The following ARRDC2 variants were observed in gnomAD, a reference collection of about 807,000 sequenced individuals.
ARRDC2 encodes arrestin domain-containing protein 2.
ARRDC2 carries 39 observed loss-of-function variants against 38.9 expected under a neutral mutation model. The ratio of observed to expected loss-of-function variants is 1.00; its 90% CI spans 0.78 to 1.31. The LOEUF (loss-of-function observed/expected upper bound fraction) is 1.31, where lower values mean the gene tolerates loss of function less well. Ranked by LOEUF, ARRDC2 falls within the 50% of genes most tolerant of loss-of-function variation. The pLI is 0.00. For synonymous variants in ARRDC2, 300 were observed against 261.9 expected (o/e 1.15, Z -1.41); for missense variants, 553 against 588.4 (o/e 0.94, Z 0.62).
Position 18,009,852 on chromosome 19 carries a change from T to G in ARRDC2, c.662T>G (p.Val221Gly). Residue 221 changes from valine to glycine, a missense_variant, in exon 5 of 8, where the codon GTG becomes GGG. Physicochemically the swap from Val to Gly is moderately radical, Grantham distance 109. Transcript: ENST00000222250. ...CGTCCTGTGCTGCCTCGGGCAGCCG[T>G]GGTGCAGACACAGACGTTCATGGCC... is the stretch of plus-strand genomic sequence containing the variant. ...STRPVLPRAA[V>G]VQTQTFMARG... The G allele has an allele frequency of 6.2e-7, 1 of 1,612,242 alleles. No individual in the cohort carries two copies. The highest frequency in any genetic ancestry group is 1.3e-5 in the African/African-American group (1 of 75,044).
rs771759737 is a variant in ARRDC2, at chr19:18,009,940, C to G, written c.750C>G (p.Pro250=). Residue 250 remains proline, a synonymous_variant, in exon 5 of 8, where the codon CCC becomes CCG. Transcript: ENST00000222250. The stretch of plus-strand genomic sequence containing the variant: ...GCCTCGCGGGCGAGCCGGTGGGCCC[C>G]GGGCAGCGGGCGCTGTGGCAGGGCC... ...VASLAGEPVG[P]GQRALWQGRA... is the part of the protein sequence containing the mutation. 1.2e-6 allele frequency: 2 copies of G among 1,605,284 alleles called. No homozygotes were observed. Among genetic ancestry groups the G allele is most frequent in the Non-Finnish European group, 8.5e-7 (1 of 1,179,042 alleles).
chr19:18,012,258 CA>C (rs1441565327), intron 7 of ARRDC2, among the ~76,000 whole-genome samples: 3 of 151,468 alleles, frequency 2.0e-5, no homozygotes, highest in Non-Finnish European at 2.9e-5. Context: ...CACACCTGGC[CA>C]TAAAGTATTA....
chr19:18,011,961 T>A (rs868072150), intron 7 of ARRDC2, among the ~76,000 whole-genome samples: 398 of 136,660 alleles, frequency 2.9e-3, no homozygotes, highest in African/African-American at 8.0e-3. Flanking sequence ...TATTTTTTTT[T>A]TTTTTTTTTT....
intron 7 of ARRDC2, among the ~76,000 whole-genome samples, chr19:18,011,178 AG>A (rs1263510853): frequency 1.3e-5 from 2 of 152,094 alleles, no homozygotes; most frequent in Non-Finnish European, 2.9e-5. Context: ...TTGTATTTTT[AG>A]TAGAGACGGG....
chr19:18,007,791 C>G (rs1322171332), upstream of ARRDC2: 1 of 195,250 alleles, frequency 5.1e-6, no homozygotes, highest in African/African-American at 2.4e-5. Context: ...GAGAGTCCCC[C>G]GCCCCAAATC....
At chr19:18,001,628 C>T (rs749370570) in intron 1 of ARRDC2, 205 of 1,287,706 alleles carry the variant, frequency 1.6e-4, no homozygotes, top group Non-Finnish European at 2.0e-4. Context: ...CGGCCGCGAC[C>T]CTCTTCAGGG....
upstream of ARRDC2, among the ~76,000 whole-genome samples, chr19:18,005,025 T>C (rs2033244951): frequency 6.7e-6 from 1 of 149,534 alleles, no homozygotes; most frequent in Non-Finnish European, 1.5e-5. Flanking sequence ...AATTTTTTTT[T>C]TTTAATTGAT....
chr19:18,006,043 G>A (rs2145998541), upstream of ARRDC2, among the ~76,000 whole-genome samples: 1 of 151,678 alleles, frequency 6.6e-6, no homozygotes, highest in African/African-American at 2.4e-5. Context: ...GCCGGGCAGA[G>A]ACGCTCCTCA....
chr19:18,003,323 G>A (rs2033213394), upstream of ARRDC2, among the ~76,000 whole-genome samples: 1 of 152,160 alleles, frequency 6.6e-6, no homozygotes, highest in Non-Finnish European at 1.5e-5. Flanking sequence ...CTGGAGTGCA[G>A]TGGCACGATC....
upstream of ARRDC2, among the ~76,000 whole-genome samples, chr19:18,006,434 G>C (rs928761880): frequency 6.6e-6 from 1 of 152,208 alleles, no homozygotes; most frequent in African/African-American, 2.4e-5. Context: ...AGACCAGCCG[G>C]GCCAACACAG....
chr19:18,013,827 A>G lies in ARRDC2; in HGVS notation c.*861A>G, dbSNP rs1277405765. ...AAGTGAAAACACTGGGCTCCCTGTTAAACGATGAAGAATTCAAGACAGTGA... is the reference window on the plus strand; with the variant it reads ...AAGTGAAAACACTGGGCTCCCTGTTGAACGATGAAGAATTCAAGACAGTGA... On this transcript the variant is annotated 3_prime_UTR_variant, in exon 8 of 8. Coordinates refer to ENST00000222250, the MANE Select transcript of ARRDC2 (RefSeq NM_015683.2). 2 of 152,162 alleles carry G rather than the reference A, an allele frequency of 1.3e-5. No individual in the cohort carries two copies. The highest frequency in any genetic ancestry group is 2.9e-5 in the Non-Finnish European group (2 of 68,056). 9.4% of individuals were successfully genotyped at this position (152,162 alleles called of 1,614,324 possible).
chr19:18,010,561 C>G lies in ARRDC2; in HGVS notation c.1013-11C>G. 6.2e-7 allele frequency: 1 copy of G among 1,613,278 alleles called. No homozygotes were observed. Among genetic ancestry groups the G allele is most frequent in the Non-Finnish European group, 8.5e-7 (1 of 1,179,886 alleles). On this transcript the variant is annotated splice_polypyrimidine_tract_variant and intron_variant, in intron 6 of 7. Coordinates refer to ENST00000222250, the MANE Select transcript of ARRDC2 (RefSeq NM_015683.2). ...CCTGCCAACCTCACCCACCCTGTCT[C>G]TCGCTTCCAGCTCCTCCTGAGTACT...
At chr19:18,002,166 C>T (rs2033197169) in intron 1 of ARRDC2, among the ~76,000 whole-genome samples, 1 of 152,206 alleles carries the variant, frequency 6.6e-6, no homozygotes, top group African/African-American at 2.4e-5. Flanking sequence ...AGGCCCCCAA[C>T]TCGTGTTACC....
At position 18,009,089 on chromosome 19, in the gene ARRDC2, C is replaced by A; in HGVS notation, c.460C>A (p.Pro154Thr). 6.2e-7 allele frequency: 1 copy of A among 1,613,664 alleles called. No individual in the cohort carries two copies. The highest frequency in any genetic ancestry group is 8.5e-7 in the Non-Finnish European group (1 of 1,179,994). The change falls in exon 3 of 8, where the codon CCT (proline) becomes ACT (threonine). Residue 154 changes from proline (P) to threonine (T), a missense_variant. This residue lies in a region of ARRDC2 where 447 missense variants were observed against 456.6 expected (regional missense o/e 0.98). Transcript: ENST00000222250. The stretch of plus-strand genomic sequence containing the variant: ...AAGGAAGGTGTTCACTGTCATCGAG[C>A]CTGTGGACATCAACACGCCAGCCCT... The part of the protein sequence containing the change: ...RARKVFTVIE[P>T]VDINTPALLA...
In ARRDC2 at chr19:18,010,662, G is replaced by A; in HGVS notation, c.1103G>A (p.Ser368Asn). 6.2e-7 allele frequency: 1 copy of A among 1,613,822 alleles called. No individual in the cohort carries two copies. Among genetic ancestry groups the A allele is most frequent in the African/African-American group, 1.3e-5 (1 of 75,042 alleles). Residue 368 changes from serine to asparagine, a missense_variant, in exon 7 of 8, where the codon AGC becomes AAC. Ser to Asn is a conservative substitution (Grantham distance 46). Coordinates refer to ENST00000222250, the MANE Select transcript of ARRDC2 (RefSeq NM_015683.2). Reference protein sequence around the residue: ...PFPLPQDPDMSLEGPFFAYIQ... With the variant: ...PFPLPQDPDMNLEGPFFAYIQ... ...CCGCTTCCGCAGGACCCCGACATGA[G>A]CCTTGAAGGCCCGTTCTTCGCCTAC... is the stretch of plus-strand genomic sequence containing the variant.
upstream of ARRDC2, among the ~76,000 whole-genome samples, chr19:18,006,307 A>T (rs2033276732): frequency 6.6e-6 from 1 of 152,130 alleles, no homozygotes; most frequent in African/African-American, 2.4e-5. Flanking sequence ...GCGAGCCGAG[A>T]TCACGCCACT....
At chr19:18,010,092 C>T (rs1422373473) in intron 5 of ARRDC2, 53 bp downstream of exon 5, 6 of 1,604,988 alleles carry the variant, frequency 3.7e-6, no homozygotes, top group Non-Finnish European at 5.1e-6. Context: ...CCCTGTATTC[C>T]CTCAGACTGG....
In ARRDC2 at chr19:18,010,601, G is replaced by A. The variant is rs764586828; in HGVS notation, c.1042G>A (p.Asp348Asn). Residue 348 changes from aspartate to asparagine, a missense_variant, in exon 7 of 8, where the codon GAC (aspartate) becomes AAC (asparagine). Asp to Asn is a conservative substitution (Grantham distance 23). This residue lies in a region of ARRDC2 where 100 missense variants were observed against 107.6 expected (regional missense o/e 0.93). Coordinates refer to ENST00000222250, the MANE Select transcript of ARRDC2 (RefSeq NM_015683.2). Reference protein sequence around the residue: ...APPEYSEVVADTEEAALGQSP... With the variant: ...APPEYSEVVANTEEAALGQSP... ...TCCTGAGTACTCGGAGGTGGTAGCC[G>A]ACACTGAGGAGGCAGCCTTGGGGCA... 18 of 1,613,668 alleles carry A rather than the reference G, an allele frequency of 1.1e-5. No individual in the cohort carries two copies. The highest frequency in any genetic ancestry group is 4.5e-5 in the East Asian group (2 of 44,878).
At chr19:18,008,115 G>GTGGCCCCCCC, upstream of ARRDC2, 1 of 810,032 alleles carries the variant, frequency 1.2e-6, no homozygotes, top group Non-Finnish European at 1.7e-6. Flanking sequence ...AAGAGACGGT[G>GTGGCCCCCCC]ACCCCACCCC....
Sources: gnomAD v4.1 joint callset for allele counts (sites outside exome capture counted in the v4.1 genomes callset) on GRCh38, gnomAD v4.1.1 for gene constraint, gnomAD v4.1.1 regional missense constraint, MANE v1.5 for transcripts, NCBI Gene and HGNC (gene_info 2026-07-23, HGNC 2026-07-21) for gene names.